Variants in CPA6 observed in about 807,000 individuals in gnomAD.
The protein encoded by CPA6 is carboxypeptidase A6, also known as carboxypeptidase B.
In CPA6, 58 loss-of-function variants were observed where a neutral mutation model predicts 63.3. The ratio of observed to expected loss-of-function variants is 0.92; its 90% CI spans 0.74 to 1.14. The LOEUF (loss-of-function observed/expected upper bound fraction) is 1.14, where lower values mean the gene tolerates loss of function less well. CPA6 is among the 50% of genes most tolerant of loss of function. The pLI is 0.00. For missense variants in CPA6, 565 were observed against 526.6 expected (o/e 1.07, Z -0.71); for synonymous variants, 185 against 179.0 (o/e 1.03, Z -0.27).
intron 6 of CPA6, among the ~76,000 whole-genome samples, chr8:67,499,007 T>A (rs553216795): frequency 1.3e-5 from 2 of 152,308 alleles, no homozygotes; most frequent in South Asian, 4.1e-4. Flanking sequence ...TATCAATTAT[T>A]TGTTGAGATA....
intron 3 of CPA6, among the ~76,000 whole-genome samples, chr8:67,512,395 C>G (rs753215099): frequency 6.6e-6 from 1 of 152,180 alleles, no homozygotes; most frequent in Non-Finnish European, 1.5e-5. Flanking sequence ...TGAAGAAATA[C>G]CCAGAGTTGG....
chr8:67,456,035 A>AGCATTG (rs1480699201), intron 8 of CPA6, among the ~76,000 whole-genome samples: 2 of 152,188 alleles, frequency 1.3e-5, no homozygotes, highest in East Asian at 3.9e-4. Flanking sequence ...GATTCTTTAC[A>AGCATTG]GCATTGATAG....
At chr8:67,738,469 A>G (rs1357276400) in intron 1 of CPA6, among the ~76,000 whole-genome samples, 1 of 152,198 alleles carries the variant, frequency 6.6e-6, no homozygotes, top group African/African-American at 2.4e-5. Context: ...GGAGTTTTAC[A>G]TGAGAGAGAA....
chr8:67,597,873 T>G (rs1056559874), intron 2 of CPA6, among the ~76,000 whole-genome samples: 3 of 152,242 alleles, frequency 2.0e-5, no homozygotes, highest in Non-Finnish European at 4.4e-5. Context: ...TGGCTCTCTT[T>G]AATTATGTGT....
At chr8:67,452,223 A>T (rs973273062) in intron 8 of CPA6, 8 of 152,200 alleles carry the variant, frequency 5.3e-5, no homozygotes, top group African/African-American at 1.9e-4. Flanking sequence ...GGGCCACAAA[A>T]AGGACAGGCT....
intron 1 of CPA6, among the ~76,000 whole-genome samples, chr8:67,664,086 A>T (rs765685700): frequency 1.3e-5 from 2 of 152,250 alleles, no homozygotes; most frequent in Non-Finnish European, 2.9e-5. Context: ...TAAAGTTCTC[A>T]TCTTAAAGTT....
chr8:67,651,127 T>C (rs919323083), intron 1 of CPA6, among the ~76,000 whole-genome samples: 4 of 152,188 alleles, frequency 2.6e-5, no homozygotes, highest in Non-Finnish European at 5.9e-5. Context: ...GGAATTTACA[T>C]GAAACTTAAT....
At chr8:67,657,769 C>T (rs117424573) in intron 1 of CPA6, among the ~76,000 whole-genome samples, 1,827 of 152,306 alleles carry the variant, frequency 0.012, 20 homozygotes, top group Non-Finnish European at 0.016. Flanking sequence ...CCTCCCTCCA[C>T]GCAAGCTCTA....
intron 2 of CPA6, among the ~76,000 whole-genome samples, chr8:67,555,628 T>C (rs569250641): frequency 6.6e-6 from 1 of 152,308 alleles, no homozygotes; most frequent in African/African-American, 2.4e-5. Context: ...GGGAAACCTC[T>C]GAATTTGTAG....
intron 1 of CPA6, among the ~76,000 whole-genome samples, chr8:67,650,350 G>C (rs1042563328): frequency 6.6e-6 from 1 of 152,080 alleles, no homozygotes; most frequent in African/African-American, 2.4e-5. Context: ...AGCGGGGTTC[G>C]ATCAGGACTC....
chr8:67,589,504 C>G (rs900878227), intron 2 of CPA6, among the ~76,000 whole-genome samples: 2 of 152,172 alleles, frequency 1.3e-5, no homozygotes, highest in Admixed American at 1.3e-4. Flanking sequence ...CAGGGTTGCT[C>G]TTTACTGGGG....
intron 2 of CPA6, among the ~76,000 whole-genome samples, chr8:67,606,754 C>T (rs539679200): frequency 5.3e-5 from 8 of 152,094 alleles, no homozygotes; most frequent in Non-Finnish European, 8.8e-5. Context: ...CTAACTGTCC[C>T]GTTCTCTGGT....
At chr8:67,699,918 A>T (rs1816989627) in intron 1 of CPA6, among the ~76,000 whole-genome samples, 1 of 152,180 alleles carries the variant, frequency 6.6e-6, no homozygotes. Context: ...GAGATGGAAG[A>T]GTTTCAGAAA....
intron 8 of CPA6, among the ~76,000 whole-genome samples, chr8:67,455,162 A>T (rs1306974760): frequency 6.6e-6 from 1 of 152,212 alleles, no homozygotes; most frequent in Non-Finnish European, 1.5e-5. Flanking sequence ...GCTTTACAGG[A>T]GAAATGAAGA....
intron 2 of CPA6, among the ~76,000 whole-genome samples, chr8:67,555,775 A>C (rs534193295): frequency 6.6e-6 from 1 of 152,128 alleles, no homozygotes; most frequent in Admixed American, 6.5e-5. Flanking sequence ...ATTGAATTGG[A>C]TTGTTGGACA....
chr8:67,483,938 A>T, intron 7 of CPA6, 80 bp from the exon 8 acceptor site: 1 of 1,131,316 alleles, frequency 8.8e-7, no homozygotes, highest in East Asian at 2.3e-5. Flanking sequence ...TCAATCAATG[A>T]AAGAGTCATA....
intron 1 of CPA6, among the ~76,000 whole-genome samples, chr8:67,674,774 G>A (rs996615365): frequency 6.6e-5 from 10 of 152,048 alleles, no homozygotes; most frequent in Non-Finnish European, 1.5e-4. Flanking sequence ...ATCAAGCTAG[G>A]TGTCCATCAA....
chr8:67,505,140 G>T (rs1390924074), intron 6 of CPA6, among the ~76,000 whole-genome samples: 1 of 152,106 alleles, frequency 6.6e-6, no homozygotes, highest in African/African-American at 2.4e-5. Context: ...AAATCCAGAT[G>T]GAACCATTCA....
chr8:67,535,050 T>G lies in CPA6; in HGVS notation c.193-17003A>C, dbSNP rs559107464. Among the ~76,000 whole-genome samples, 28 of 152,318 alleles carry G rather than the reference T, an allele frequency of 1.8e-4. No individual in the cohort carries two copies. In the South Asian group the frequency reaches 5.2e-3, roughly 28 times the overall value. On this transcript the variant is annotated intron_variant, in intron 2 of 10. Coordinates refer to ENST00000297770, the MANE Select transcript of CPA6 (RefSeq NM_020361.5). Reference sequence around the variant, plus strand: ...TGCAAAGGACATGAAATCATTCTTTTTCATGGCTGCATAGTATTCCATGGT... The same window carrying G: ...TGCAAAGGACATGAAATCATTCTTTGTCATGGCTGCATAGTATTCCATGGT...
Sources: gnomAD v4.1 joint callset for allele counts (sites outside exome capture counted in the v4.1 genomes callset) on GRCh38, gnomAD v4.1.1 for gene constraint, MANE v1.5 for transcripts, NCBI Gene and HGNC (gene_info 2026-07-23, HGNC 2026-07-21) for gene names.